Variants in SMOC2 observed in about 807,000 individuals in gnomAD.
SMOC2 encodes SPARC related modular calcium binding 2, also known as SPARC-related modular calcium-binding protein 2.
SMOC2 carries 39 observed loss-of-function variants against 61.4 expected under a neutral mutation model. That is an observed-to-expected ratio of 0.64 (90% CI 0.49 to 0.83). The LOEUF (loss-of-function observed/expected upper bound fraction) is 0.83, where lower values mean the gene tolerates loss of function less well. SMOC2 is among the 40% of genes least tolerant of loss of function. The pLI, the probability that SMOC2 is intolerant of heterozygous loss-of-function variation, is 0.00. For synonymous variants in SMOC2, 247 were observed against 239.9 expected (o/e 1.03, Z -0.27); for missense variants, 556 against 592.9 (o/e 0.94, Z 0.65).
At chr6:168,540,361 G>A (rs1045211916) in intron 4 of SMOC2, among the ~76,000 whole-genome samples, 3 of 152,244 alleles carry the variant, frequency 2.0e-5, no homozygotes, top group Admixed American at 2.0e-4. Context: ...CCAGCTGCGT[G>A]TCCAGCAGAG....
In SMOC2 at chr6:168,664,670, G is replaced by C. The variant is rs1787614194; in HGVS notation, c.1323+559G>C. 35 of 467,662 alleles carry C rather than the reference G, an allele frequency of 7.5e-5. 3 individuals carry two copies. The highest frequency in any genetic ancestry group is 5.2e-4 in the South Asian group (33 of 63,924). The allele number at this position is 467,662 out of a possible 1,614,324, so 29.0% of individuals were successfully genotyped here. A position where few individuals can be genotyped will look rare whatever the true frequency, so the allele number is the denominator to read the frequency against. ...TGTTGGGCTCCAAAAGGGGCTTTCG[G>C]CTCCTGCTGTGTGTTCACAAACATG... On this transcript the variant is annotated intron_variant, in intron 12 of 12. Transcript: ENST00000356284.
rs1787700826 is a variant in SMOC2 at position 168,667,838 on chromosome 6, A to C, written c.*1400A>C. 1 of 152,226 alleles carries C rather than the reference A, an allele frequency of 6.6e-6. No homozygotes were observed. The highest frequency in any genetic ancestry group is 1.5e-5 in the Non-Finnish European group (1 of 68,042). The allele number at this position is 152,226 out of a possible 1,614,324, so 9.4% of individuals were successfully genotyped here. ...CTTATTTAAACTGTGCAAGGTAAAA[A>C]TCAAGCCTTTGGAGCCACAGAACCA... is the stretch of plus-strand genomic sequence containing the variant. On this transcript the variant is annotated 3_prime_UTR_variant, in exon 13 of 13. Transcript: ENST00000356284.
At chr6:168,464,214 AAAGG>A (rs1037434410) in intron 1 of SMOC2, among the ~76,000 whole-genome samples, 6 of 149,746 alleles carry the variant, frequency 4.0e-5, no homozygotes, top group Non-Finnish European at 7.4e-5. Context: ...AGGAAGGAAG[AAAGG>A]AAGGAAGGAA....
chr6:168,474,270 A>T (rs187823098), intron 1 of SMOC2, among the ~76,000 whole-genome samples: 1 of 152,208 alleles, frequency 6.6e-6, no homozygotes, highest in Non-Finnish European at 1.5e-5. Context: ...GCACCTGTGC[A>T]TAAGGGGGAG....
At chr6:168,542,306 A>G (rs1431401085) in intron 4 of SMOC2, among the ~76,000 whole-genome samples, 2 of 152,142 alleles carry the variant, frequency 1.3e-5, no homozygotes, top group African/African-American at 4.8e-5. Context: ...ACCAAGAAAA[A>G]CCTTGTATTG....
At chr6:168,538,088 A>G (rs1583091573) in intron 4 of SMOC2, among the ~76,000 whole-genome samples, 1 of 111,964 alleles carries the variant, frequency 8.9e-6, no homozygotes, top group Non-Finnish European at 1.8e-5. Context: ...GATGTGGGGG[A>G]GTGGGGTGAC....
In SMOC2 at chr6:168,551,914, A is replaced by G. The variant is rs184990797; in HGVS notation, c.637+2711A>G. Among the ~76,000 whole-genome samples the G allele has an allele frequency of 8.5e-5, 13 of 152,336 alleles. No individual in the cohort carries two copies. The East Asian group carries it at 2.5e-3, about 29-fold the overall frequency. On this transcript the variant is annotated intron_variant, in intron 7 of 12. Transcript: ENST00000356284. ...TTCAAATGACCTGCCATTATAATTA[A>G]CCAGTAAAAACTGAGCAGGCTTTTG...
intron 9 of SMOC2, among the ~76,000 whole-genome samples, chr6:168,619,150 T>C (rs9456244): frequency 0.87 from 133,059 of 152,070 alleles, 58,514 homozygotes; most frequent in Middle Eastern, 0.98. Context: ...GGCTTGTTTT[T>C]GTTTATGGTT....
intron 1 of SMOC2, among the ~76,000 whole-genome samples, chr6:168,442,763 G>A (rs904734467): frequency 6.6e-6 from 1 of 152,120 alleles, no homozygotes; most frequent in Non-Finnish European, 1.5e-5. Flanking sequence ...GCAGTGTGAA[G>A]GATGGTTTGT....
intron 8 of SMOC2, among the ~76,000 whole-genome samples, chr6:168,606,083 C>G (rs1011463399): frequency 1.3e-5 from 2 of 152,144 alleles, no homozygotes; most frequent in Admixed American, 6.5e-5. Context: ...AAATTTAACA[C>G]GCATAAGTAA....
chr6:168,534,295 A>C (rs1783683875), intron 4 of SMOC2, among the ~76,000 whole-genome samples: 1 of 152,246 alleles, frequency 6.6e-6, no homozygotes, highest in South Asian at 2.1e-4. Context: ...ATTCAGATTG[A>C]ATTCTGAAAG....
intron 1 of SMOC2, among the ~76,000 whole-genome samples, chr6:168,442,157 C>G (rs982527706): frequency 6.6e-6 from 1 of 152,262 alleles, no homozygotes; most frequent in Non-Finnish European, 1.5e-5. Flanking sequence ...GCTTTCTTCC[C>G]TTCTCAGGAC....
chr6:168,520,711 C>T lies in SMOC2; in HGVS notation c.257-5635C>T, dbSNP rs531138338. On this transcript the variant is annotated intron_variant, in intron 2 of 12. Coordinates refer to ENST00000356284, the MANE Select transcript of SMOC2 (RefSeq NM_001166412.2). The stretch of plus-strand genomic sequence containing the variant: ...GAGTGGCATCAAAGTCTTGAGACAC[C>T]ATCTCTGGTGTAAACCAAAGCATCT... 9.2e-4 allele frequency among the ~76,000 whole-genome samples: 140 copies of T among 152,344 alleles called. 4 individuals carry two copies. In the South Asian group the frequency reaches 0.028, roughly 30 times the overall value.
Position 168,553,440 on chromosome 6 carries a change from T to C in SMOC2, c.637+4237T>C, listed in dbSNP as rs1784175327. 6.6e-6 allele frequency among the ~76,000 whole-genome samples: 1 copy of C among 152,238 alleles called. No homozygotes were observed. The highest frequency in any genetic ancestry group is 2.1e-4 in the South Asian group (1 of 4,830). Reference sequence around the variant, plus strand: ...TTTAATTATGTAAGATTTAAACAAATGTAAATCGAATTAGTACTCTTCCCT... The same window carrying C: ...TTTAATTATGTAAGATTTAAACAAACGTAAATCGAATTAGTACTCTTCCCT... On this transcript the variant is annotated intron_variant, in intron 7 of 12. Coordinates refer to ENST00000356284, the MANE Select transcript of SMOC2 (RefSeq NM_001166412.2). This position sits in a 1 kb window ranked among gnomAD's most constrained non-coding sequence, Gnocchi z 4.2.
chr6:168,524,267 G>T (rs893372030), intron 2 of SMOC2, among the ~76,000 whole-genome samples: 2 of 152,188 alleles, frequency 1.3e-5, no homozygotes, highest in Admixed American at 1.3e-4. Context: ...CCCTGTAGCA[G>T]TTTTACTTCA....
At chr6:168,447,058 C>T (rs1360048559) in intron 1 of SMOC2, among the ~76,000 whole-genome samples, 1 of 152,074 alleles carries the variant, frequency 6.6e-6, no homozygotes, top group African/African-American at 2.4e-5. Flanking sequence ...TCTTCTTCCC[C>T]GTGGTCATCT....
intron 1 of SMOC2, among the ~76,000 whole-genome samples, chr6:168,509,146 C>A (rs1370626522): frequency 6.6e-6 from 1 of 152,154 alleles, no homozygotes; most frequent in Non-Finnish European, 1.5e-5. Context: ...TCCCTGGGGT[C>A]CGGTGAGCTC....
At chr6:168,569,696 G>T (rs7747467) in intron 7 of SMOC2, among the ~76,000 whole-genome samples, 5,211 of 152,132 alleles carry the variant, frequency 0.034, 227 homozygotes, top group African/African-American at 0.11. Context: ...TGCCTGTCTC[G>T]GCCTTCCAGA....
At chr6:168,464,109 C>T (rs565422314) in intron 1 of SMOC2, among the ~76,000 whole-genome samples, 303 of 146,410 alleles carry the variant, frequency 2.1e-3, no homozygotes, top group Non-Finnish European at 3.7e-3. Flanking sequence ...AAGAATCACT[C>T]GAACCTGGGA....
Sources: allele counts gnomAD v4.1 joint callset (sites outside exome capture counted in the v4.1 genomes callset), GRCh38; gene constraint gnomAD v4.1.1; non-coding constraint Gnocchi (gnomAD v3.1); transcripts MANE v1.5; gene names NCBI Gene and HGNC (gene_info 2026-07-23, HGNC 2026-07-21).